The following FBN1 variants were observed in gnomAD, a reference collection of about 807,000 sequenced individuals.
FBN1 encodes fibrillin 1, also known as fibrillin-1.
FBN1 carries 29 observed loss-of-function variants against 365.1 expected under a neutral mutation model. That is an observed-to-expected ratio of 0.08 (90% CI 0.06 to 0.11). The LOEUF (loss-of-function observed/expected upper bound fraction) is 0.11. FBN1 is among the 10% of genes least tolerant of loss of function. FBN1 has a pLI of 1.00. For synonymous variants in FBN1, 1,210 were observed against 1,270.5 expected, an observed-to-expected ratio of 0.95 and a Z score of 1.01; for missense variants, 2,476 against 3,703.2, an observed-to-expected ratio of 0.67 and a Z score of 8.60.
chr15:48,628,240 A>G (rs992025958), intron 2 of FBN1, among the ~76,000 whole-genome samples: 14 of 151,978 alleles, frequency 9.2e-5, no homozygotes, highest in African/African-American at 2.7e-4. Flanking sequence ...TGGGTGTACC[A>G]GTAATTTTCA....
At position 48,428,966 on chromosome 15, in the gene FBN1, T is replaced by C. The variant is rs540606669; in HGVS notation, c.6872-495A>G. On this transcript the variant is annotated intron_variant, in intron 56 of 65. Transcript: ENST00000316623. The stretch of plus-strand genomic sequence containing the variant: ...AATTCTGGGGCCGATTTCTAATGTA[T>C]CCTTCCAGAGCTGGATTATGCATAT... 5.9e-5 allele frequency among the ~76,000 whole-genome samples: 9 copies of C among 152,322 alleles called. No homozygotes were observed. The South Asian group carries it at 1.9e-3, about 32-fold the overall frequency.
At chr15:48,440,675 A>C (rs910529164) in intron 50 of FBN1, among the ~76,000 whole-genome samples, 5 of 152,182 alleles carry the variant, frequency 3.3e-5, no homozygotes, top group African/African-American at 1.2e-4. Flanking sequence ...TAACAACAAG[A>C]GTCTACAAAG....
chr15:48,575,324 TATGTATGTATG>T (rs1401616753), intron 6 of FBN1, among the ~76,000 whole-genome samples: 6 of 936 alleles, frequency 6.4e-3, no homozygotes, highest in African/African-American at 0.013. Context: ...TTTACATATG[TATGTATGTATG>T]TATGTATGTA....
chr15:48,495,253 G>C lies in FBN1; in HGVS notation c.2547C>G (p.Ile849Met), dbSNP rs778258207. ...DPTKTICIET[I>M]KGTCWQTVID... ...TGACAGTCTGCCAGCAAGTGCCCTT[G>C]ATGGTTTCTGCAGAGGAGGGAATAA... The change falls in exon 22 of 66, where the codon ATC becomes ATG. Residue 849 changes from isoleucine to methionine, a missense_variant. Coordinates refer to ENST00000316623, the MANE Select transcript of FBN1 (RefSeq NM_000138.5). 5.9e-5 allele frequency: 96 copies of C among 1,613,968 alleles called. No individual in the cohort carries two copies. In the Middle Eastern group the frequency reaches 8.3e-4, roughly 14 times the overall value.
intron 6 of FBN1, among the ~76,000 whole-genome samples, chr15:48,551,164 T>TAAAA (rs1374190872): frequency 1.3e-5 from 2 of 152,216 alleles, no homozygotes. Flanking sequence ...AGTTACCCTT[T>TAAAA]GAGTCAGTTT....
intron 34 of FBN1, 74 bp downstream of exon 34, chr15:48,474,181 T>C: frequency 6.2e-7 from 1 of 1,604,466 alleles, no homozygotes; most frequent in Non-Finnish European, 8.5e-7. Flanking sequence ...AAAAAAGAAT[T>C]GCTAGCCTGA....
At chr15:48,515,618 C>G (rs921060090) in intron 11 of FBN1, 91 bp from the exon 12 acceptor site, 8 of 1,541,080 alleles carry the variant, frequency 5.2e-6, no homozygotes, top group African/African-American at 1.4e-5. Flanking sequence ...GATGTTGAAT[C>G]AGAAAGGAAA....
chr15:48,612,398 T>G (rs1012925727), intron 3 of FBN1, among the ~76,000 whole-genome samples: 52 of 152,336 alleles, frequency 3.4e-4, no homozygotes, highest in African/African-American at 1.2e-3. Context: ...GCAGGCATCA[T>G]GACTAAATTT....
rs1890265543 is a variant in FBN1 at position 48,644,820 on chromosome 15, G to A, written c.-51C>T. 6.4e-7 allele frequency: 1 copy of A among 1,568,292 alleles called. No individual in the cohort carries two copies. On this transcript the variant is annotated 5_prime_UTR_variant, in exon 2 of 66. Coordinates refer to ENST00000316623, the MANE Select transcript of FBN1 (RefSeq NM_000138.5). ...CCGCCTCTTGCCGCGCCCGGGGCTC[G>A]GTCTGCGGCCGCCGCTGCGCCCTGA...
chr15:48,600,754 T>A (rs1307740548), intron 4 of FBN1, among the ~76,000 whole-genome samples: 1 of 152,194 alleles, frequency 6.6e-6, no homozygotes, highest in Admixed American at 6.6e-5. Context: ...GGCATTCACT[T>A]TAATAGTGCT....
intron 2 of FBN1, among the ~76,000 whole-genome samples, chr15:48,619,416 T>C (rs74014631): frequency 0.012 from 1,899 of 152,150 alleles, 42 homozygotes; most frequent in African/African-American, 0.044. Context: ...CTCTATTACG[T>C]TTTCCTCCCA....
intron 2 of FBN1, among the ~76,000 whole-genome samples, chr15:48,634,661 T>C (rs1890055675): frequency 6.6e-6 from 1 of 152,124 alleles, no homozygotes; most frequent in South Asian, 2.1e-4. Context: ...CCTTGTTTAC[T>C]TTTCTTAAGG....
chr15:48,641,668 A>G (rs139647446), intron 2 of FBN1: 1 of 152,182 alleles, frequency 6.6e-6, no homozygotes, highest in Non-Finnish European at 1.5e-5. Flanking sequence ...TGCATCTCCA[A>G]TCAGAATGGT....
At chr15:48,579,031 GAAA>G (rs112980113) in intron 6 of FBN1, among the ~76,000 whole-genome samples, 2 of 131,064 alleles carry the variant, frequency 1.5e-5, no homozygotes, top group Admixed American at 7.7e-5. Flanking sequence ...TAAAAAAGGG[GAAA>G]AAAAAAAAAA....
At chr15:48,625,227 C>T (rs549765216) in intron 2 of FBN1, among the ~76,000 whole-genome samples, 1 of 152,300 alleles carries the variant, frequency 6.6e-6, no homozygotes, top group African/African-American at 2.4e-5. Flanking sequence ...GTGGTTTGGT[C>T]TCCAGACCAG....
chr15:48,613,491 T>C (rs2044672718), intron 2 of FBN1, among the ~76,000 whole-genome samples: 1 of 150,752 alleles, frequency 6.6e-6, no homozygotes, highest in African/African-American at 2.4e-5. Context: ...TTTGAAGCCA[T>C]ATATATATAT....
intron 53 of FBN1, among the ~76,000 whole-genome samples, chr15:48,435,817 T>C (rs1759984349): frequency 6.6e-6 from 1 of 151,126 alleles, no homozygotes; most frequent in Non-Finnish European, 1.5e-5. Flanking sequence ...TGTGTATATA[T>C]GCCTTCTAAC....
At chr15:48,608,873 C>T (rs2044634331) in intron 4 of FBN1, among the ~76,000 whole-genome samples, 1 of 152,212 alleles carries the variant, frequency 6.6e-6, no homozygotes. Context: ...GTCTCCACAT[C>T]TCATGATTTC....
At chr15:48,587,928 C>A (rs2044449481) in intron 6 of FBN1, among the ~76,000 whole-genome samples, 1 of 151,778 alleles carries the variant, frequency 6.6e-6, no homozygotes, top group Non-Finnish European at 1.5e-5. Context: ...GGCCCCAGTT[C>A]TTTTTTTTAA....
Sources: gnomAD v4.1 joint callset for allele counts (sites outside exome capture counted in the v4.1 genomes callset) on GRCh38, gnomAD v4.1.1 for gene constraint, MANE v1.5 for transcripts, NCBI Gene and HGNC (gene_info 2026-07-23, HGNC 2026-07-21) for gene names.